The following LAMB1 variants were observed in gnomAD, a reference collection of about 807,000 sequenced individuals.
LAMB1 encodes the protein laminin subunit beta 1.
A neutral mutation model predicts 222.3 loss-of-function variants in LAMB1; 121 were observed. That is an observed-to-expected ratio of 0.54 (90% CI 0.47 to 0.63). LAMB1 has a LOEUF of 0.63. Among genes scored for constraint, LAMB1 ranks in the 30% least tolerant of loss-of-function variants. The pLI, the probability that LAMB1 is intolerant of heterozygous loss-of-function variation, is 0.00. For missense variants in LAMB1, 2,172 were observed against 2,240.8 expected, an observed-to-expected ratio of 0.97 and a Z score of 0.62; for synonymous variants, 794 against 807.2, an observed-to-expected ratio of 0.98 and a Z score of 0.28.
intron 2 of LAMB1, 107 bp from the exon 3 acceptor site, chr7:108,001,840 C>T: frequency 6.6e-7 from 1 of 1,526,286 alleles, no homozygotes; most frequent in Admixed American, 2.0e-5. Context: ...GAGGACAGTC[C>T]ATTCGGAAGA....
Position 107,977,058 on chromosome 7 carries a change from C to CCTCCTTCCTTCCTTTCCTCTCT in LAMB1, c.1000+967_1000+988dup, listed in dbSNP as rs2033880277. Among the ~76,000 whole-genome samples, 251 of 121,902 alleles carry CCTCCTTCCTTCCTTTCCTCTCT rather than the reference C, an allele frequency of 2.1e-3. 2 individuals are homozygous for CCTCCTTCCTTCCTTTCCTCTCT. Among genetic ancestry groups the CCTCCTTCCTTCCTTTCCTCTCT allele is most frequent in the African/African-American group, 7.5e-3 (232 of 31,016 alleles). The allele number at this position is 121,902 out of a possible 152,430, so 80.0% of individuals were successfully genotyped here. A position where few individuals can be genotyped will look rare whatever the true frequency, so the allele number is the denominator to read the frequency against. ...CTCCCTCCTTCCTTCCTTTCCTCTC[C>CCTCCTTCCTTCCTTTCCTCTCT]CTCCTTCCTTCCTTTCCTCTCTCTC... On this transcript the variant is annotated intron_variant, in intron 9 of 33. Coordinates refer to ENST00000222399, the MANE Select transcript of LAMB1 (RefSeq NM_002291.3).
intron 28 of LAMB1, among the ~76,000 whole-genome samples, chr7:107,931,912 T>C (rs1355600731): frequency 6.6e-6 from 1 of 152,224 alleles, no homozygotes; most frequent in Non-Finnish European, 1.5e-5. Context: ...GTAAGATGGC[T>C]ATCTCAAATT....
chr7:107,985,305 T>C (rs1324522912), intron 7 of LAMB1, among the ~76,000 whole-genome samples: 1 of 152,162 alleles, frequency 6.6e-6, no homozygotes. Context: ...GTAAGACTTA[T>C]TCCATGGCTG....
chr7:107,945,773 T>G, intron 24 of LAMB1, among the ~76,000 whole-genome samples: 1 of 152,340 alleles, frequency 6.6e-6, no homozygotes, highest in South Asian at 2.1e-4. Flanking sequence ...TTAAGAATAC[T>G]TATATAATAT....
rs369198991 is a variant in LAMB1 at position 107,932,329 on chromosome 7, C to A, written c.4237G>T (p.Gly1413Trp). 6.2e-7 allele frequency: 1 copy of A among 1,614,058 alleles called. No homozygotes were observed. Among genetic ancestry groups the A allele is most frequent in the Non-Finnish European group, 8.5e-7 (1 of 1,180,030 alleles). ...CCTTCGTCAGTTCTGCAGTTTGGCC[C>A]GCCACATTCAGTCTCGGAACAGGAG... is the stretch of plus-strand genomic sequence containing the variant. ...GASCSETECG[G>W]PNCRTDEGER... The change falls in exon 28 of 34, where the codon GGG becomes TGG. Residue 1413 changes from glycine (G) to tryptophan (W), a missense_variant. By Grantham distance (184) the Gly-to-Trp change is radical (BLOSUM62 -2). Transcript: ENST00000222399.
At chr7:107,994,621 TG>T (rs2034249822) in intron 5 of LAMB1, among the ~76,000 whole-genome samples, 1 of 152,218 alleles carries the variant, frequency 6.6e-6, no homozygotes, top group South Asian at 2.1e-4. Flanking sequence ...CCTTACTCTA[TG>T]GGGAAATAAA....
chr7:107,952,473 A>G (rs1205805796), intron 22 of LAMB1, among the ~76,000 whole-genome samples: 3 of 152,274 alleles, frequency 2.0e-5, no homozygotes, highest in Non-Finnish European at 1.5e-5. Context: ...TATGTTCAAA[A>G]TACACAGATT....
At chr7:108,002,445 C>A in intron 2 of LAMB1, 1 of 1,301,594 alleles carries the variant, frequency 7.7e-7, no homozygotes, top group Non-Finnish European at 1.0e-6. Context: ...CCCATCTGTT[C>A]CCAGAATGAA....
intron 25 of LAMB1, 107 bp downstream of exon 25, chr7:107,939,882 A>G: frequency 7.8e-7 from 1 of 1,277,278 alleles, no homozygotes. Flanking sequence ...CACCCACAGG[A>G]CTAACAAAAC....
At chr7:107,954,972 T>C (rs1327657279) in intron 21 of LAMB1, among the ~76,000 whole-genome samples, 1 of 152,188 alleles carries the variant, frequency 6.6e-6, no homozygotes, top group Non-Finnish European at 1.5e-5. Flanking sequence ...GCTTCAAGGA[T>C]GAAATAAGAG....
intron 25 of LAMB1, among the ~76,000 whole-genome samples, chr7:107,939,179 G>A (rs368635195): frequency 6.6e-6 from 1 of 152,132 alleles, no homozygotes; most frequent in African/African-American, 2.4e-5. Flanking sequence ...TTAGCACTTA[G>A]GTCTTATTGT....
intron 3 of LAMB1, among the ~76,000 whole-genome samples, chr7:107,999,116 C>T (rs76038565): frequency 0.012 from 1,851 of 152,308 alleles, 33 homozygotes; most frequent in East Asian, 0.04. Flanking sequence ...CCATGTTGGG[C>T]CCACTATAAT....
Position 107,929,392 on chromosome 7 carries a change from G to C in LAMB1, c.4745+20C>G, listed in dbSNP as rs1325263009. 1 of 1,604,232 alleles carries C rather than the reference G, an allele frequency of 6.2e-7. No homozygotes were observed. Among genetic ancestry groups the C allele is most frequent in the East Asian group, 2.2e-5 (1 of 44,814 alleles). On this transcript the variant is annotated intron_variant, in intron 30 of 33. Transcript: ENST00000222399. ...ATAGATACACAAAATAAGCCCCTTA[G>C]ATGCCATGTCTTTAGATACCTTGCT... is the stretch of plus-strand genomic sequence containing the variant.
In LAMB1 at chr7:107,931,427, G is replaced by T; in HGVS notation, c.4466C>A (p.Thr1489Asn). The change falls in exon 29 of 34, where the codon ACC (threonine) becomes AAC (asparagine). Residue 1489 changes from threonine (T) to asparagine (N), a missense_variant. By Grantham distance (65) the Thr-to-Asn change is moderately conservative. Coordinates refer to ENST00000222399, the MANE Select transcript of LAMB1 (RefSeq NM_002291.3). ...AEDILLKTNA[T>N]KEKMDKSNEE... ...ATTGCTCTTGTCCATTTTTTCTTTG[G>T]TAGCATTTGTCTTCAACAGAATGTC... 1 of 1,613,566 alleles carries T rather than the reference G, an allele frequency of 6.2e-7. No individual in the cohort carries two copies. Among genetic ancestry groups the T allele is most frequent in the Non-Finnish European group, 8.5e-7 (1 of 1,179,682 alleles).
chr7:107,953,359 TAA>T (rs11368241), intron 22 of LAMB1, among the ~76,000 whole-genome samples, 169 bp downstream of exon 22: 2,107 of 143,846 alleles, frequency 0.015, 52 homozygotes, highest in African/African-American at 0.047. Context: ...TCTGTCTCAT[TAA>T]AAAAAAAAAA....
intron 9 of LAMB1, among the ~76,000 whole-genome samples, chr7:107,976,347 G>C (rs28490943): frequency 6.6e-6 from 1 of 152,002 alleles, no homozygotes; most frequent in South Asian, 2.1e-4. Flanking sequence ...TCCCTTCTCC[G>C]TATTCCCATA....
Position 107,924,014 on chromosome 7 carries a change from T to TC in LAMB1, c.5297dup (p.Glu1767ArgfsTer17). 6.2e-7 allele frequency: 1 copy of TC among 1,600,558 alleles called. No individual in the cohort carries two copies. Among genetic ancestry groups the TC allele is most frequent in the Non-Finnish European group, 8.5e-7 (1 of 1,176,844 alleles). On this transcript the variant is annotated frameshift_variant, in exon 34 of 34. Coordinates refer to ENST00000222399, the MANE Select transcript of LAMB1 (RefSeq NM_002291.3). LOFTEE classifies it high-confidence loss of function. ...TATCCTTTAGGAGTGAACGGACTTC[T>TC]CCTTCCAGTCTTGCTAATTCTTGAG...
At chr7:107,959,547 A>G in intron 19 of LAMB1, 67 bp from the exon 20 acceptor site, 1 of 1,606,428 alleles carries the variant, frequency 6.2e-7, no homozygotes, top group Non-Finnish European at 8.5e-7. Context: ...CTCCTTTTAT[A>G]AGCACCCTGT....
chr7:107,956,616 A>C (rs923211954), intron 20 of LAMB1, among the ~76,000 whole-genome samples: 1 of 152,152 alleles, frequency 6.6e-6, no homozygotes, highest in Admixed American at 6.5e-5. Flanking sequence ...CTGTCCTCCT[A>C]GGCGGGGCTT....
Sources: gnomAD v4.1 joint callset for allele counts (sites outside exome capture counted in the v4.1 genomes callset) on GRCh38, gnomAD v4.1.1 for gene constraint, MANE v1.5 for transcripts, NCBI Gene and HGNC (gene_info 2026-07-23, HGNC 2026-07-21) for gene names.